The following MSRA variants were observed in gnomAD, a reference collection of about 807,000 sequenced individuals.
The protein encoded by MSRA is mitochondrial peptide methionine sulfoxide reductase.
In MSRA, 54 loss-of-function variants were observed where a neutral mutation model predicts 31.3. The ratio of observed to expected loss-of-function variants is 1.73; its 90% CI spans 1.39 to 2.17. The LOEUF is 2.17. MSRA is among the 30% of genes most tolerant of loss of function. MSRA has a pLI of 0.00. For synonymous variants in MSRA, 169 were observed against 116.5 expected, an observed-to-expected ratio of 1.45 and a Z score of -2.90; for missense variants, 507 against 300.9, an observed-to-expected ratio of 1.69 and a Z score of -5.07.
At chr8:10,250,673 G>C (rs770930148) in intron 3 of MSRA, 3 of 572,294 alleles carry the variant, frequency 5.2e-6, no homozygotes, top group East Asian at 2.8e-5. Context: ...GAGTGTGGGA[G>C]TCCTCGTGTG....
chr8:10,132,195 G>T (rs1801944307), intron 1 of MSRA, among the ~76,000 whole-genome samples: 1 of 152,188 alleles, frequency 6.6e-6, no homozygotes, highest in Admixed American at 6.5e-5. Context: ...GTAAATTGGA[G>T]ATTTTGCCCG....
chr8:10,336,926 C>G (rs1002037534), intron 5 of MSRA: 1 of 152,182 alleles, frequency 6.6e-6, no homozygotes, highest in South Asian at 2.1e-4. Context: ...TCTAATCCAG[C>G]GAATTGTTTC....
At chr8:10,158,381 C>T (rs1804348257) in intron 1 of MSRA, among the ~76,000 whole-genome samples, 2 of 152,226 alleles carry the variant, frequency 1.3e-5, no homozygotes, top group Admixed American at 1.3e-4. Context: ...CTCACTTCTT[C>T]CCAACACTCC....
At chr8:10,148,975 G>C (rs1325550431) in intron 1 of MSRA, among the ~76,000 whole-genome samples, 2 of 116,358 alleles carry the variant, frequency 1.7e-5, no homozygotes, top group African/African-American at 6.5e-5. Flanking sequence ...TTTTTTTTTT[G>C]AGACATAGTG....
intron 1 of MSRA, 134 bp from the exon 2 acceptor site, chr8:10,207,699 C>A: frequency 4.4e-6 from 3 of 683,250 alleles, no homozygotes; most frequent in Non-Finnish European, 7.0e-6. Flanking sequence ...ATAATTGAAG[C>A]TCTCTTCAGA....
chr8:10,113,416 T>A (rs1395301818), intron 1 of MSRA, among the ~76,000 whole-genome samples: 1 of 148,224 alleles, frequency 6.7e-6, no homozygotes, highest in Non-Finnish European at 1.5e-5. Flanking sequence ...GCACAGGGGT[T>A]AGCCTGAAAG....
chr8:10,089,657 T>G (rs952802241), intron 1 of MSRA, among the ~76,000 whole-genome samples: 26 of 152,332 alleles, frequency 1.7e-4, no homozygotes, highest in African/African-American at 6.3e-4. Flanking sequence ...CCTTCACAGT[T>G]CTGCAGGCTG....
intron 1 of MSRA, among the ~76,000 whole-genome samples, chr8:10,196,320 A>G (rs1807983458): frequency 6.6e-6 from 1 of 152,166 alleles, no homozygotes; most frequent in Non-Finnish European, 1.5e-5. Flanking sequence ...GTTGGGCTCC[A>G]GAGTGACAGT....
chr8:10,403,151 G>C (rs185622452), intron 5 of MSRA, among the ~76,000 whole-genome samples: 2 of 152,148 alleles, frequency 1.3e-5, no homozygotes, highest in Non-Finnish European at 2.9e-5. Context: ...AAATGTCCCA[G>C]GGCTGGCTTG....
intron 1 of MSRA, among the ~76,000 whole-genome samples, chr8:10,057,696 A>G (rs1448298238): frequency 6.6e-6 from 1 of 152,048 alleles, no homozygotes; most frequent in African/African-American, 2.4e-5. Context: ...CTGATTATTT[A>G]AAAGTGTGTA....
chr8:10,158,301 A>G (rs944347322), intron 1 of MSRA, among the ~76,000 whole-genome samples: 4 of 152,246 alleles, frequency 2.6e-5, no homozygotes, highest in African/African-American at 4.8e-5. Flanking sequence ...TTGTGCAACC[A>G]TCACCACAGT....
intron 2 of MSRA, among the ~76,000 whole-genome samples, chr8:10,226,580 C>G (rs1180482660): frequency 6.6e-6 from 1 of 152,180 alleles, no homozygotes; most frequent in African/African-American, 2.4e-5. Context: ...TAGGGAAAAG[C>G]AAATTGCAGA....
chr8:10,388,270 C>T (rs796612231), intron 5 of MSRA, among the ~76,000 whole-genome samples: 1 of 152,126 alleles, frequency 6.6e-6, no homozygotes, highest in Non-Finnish European at 1.5e-5. Flanking sequence ...GTGTAAGGTT[C>T]GTGTTGCAGA....
chr8:10,213,204 T>C (rs1247982147), intron 2 of MSRA, among the ~76,000 whole-genome samples: 1 of 152,128 alleles, frequency 6.6e-6, no homozygotes, highest in African/African-American at 2.4e-5. Flanking sequence ...CTACCTACCC[T>C]TCCCAGCCTT....
intron 1 of MSRA, among the ~76,000 whole-genome samples, chr8:10,141,938 C>T (rs2129031450): frequency 6.6e-6 from 1 of 152,256 alleles, no homozygotes; most frequent in Admixed American, 6.5e-5. Flanking sequence ...ACCATCAGTA[C>T]TCTCCCAATT....
chr8:10,370,604 C>G (rs576890142), intron 5 of MSRA, among the ~76,000 whole-genome samples: 33 of 152,352 alleles, frequency 2.2e-4, no homozygotes, highest in African/African-American at 7.7e-4. Context: ...GTCCTGGTCA[C>G]CGCCTTGAGG....
intron 5 of MSRA, among the ~76,000 whole-genome samples, chr8:10,371,006 C>T (rs182311622): frequency 1.3e-5 from 2 of 152,298 alleles, no homozygotes; most frequent in Non-Finnish European, 2.9e-5. Flanking sequence ...TTCAAATCCA[C>T]CCTCTGCAAA....
chr8:10,270,460 A>T (rs4486206), intron 3 of MSRA, among the ~76,000 whole-genome samples: 2 of 151,594 alleles, frequency 1.3e-5, no homozygotes, highest in African/African-American at 2.4e-5. Flanking sequence ...TGTAATAGAA[A>T]TTCTAATCCA....
intron 1 of MSRA, among the ~76,000 whole-genome samples, chr8:10,098,901 C>G (rs969222103): frequency 6.6e-6 from 1 of 152,196 alleles, no homozygotes; most frequent in Non-Finnish European, 1.5e-5. Flanking sequence ...GTGGCTGCAA[C>G]GTAAACAACA....
Sources: gnomAD v4.1 joint callset for allele counts (sites outside exome capture counted in the v4.1 genomes callset) on GRCh38, gnomAD v4.1.1 for gene constraint, MANE v1.5 for transcripts, NCBI Gene and HGNC (gene_info 2026-07-23, HGNC 2026-07-21) for gene names.